Variants in CAP1 observed in about 807,000 individuals in gnomAD.
CAP1 encodes the protein adenylyl cyclase-associated protein 1.
CAP1 carries 11 observed loss-of-function variants against 58.2 expected under a neutral mutation model. The observed-to-expected ratio is 0.19, with a 90% CI of 0.12 to 0.31. The LOEUF is 0.31. Among genes scored for constraint, CAP1 ranks in the 10% least tolerant of loss-of-function variants. The pLI is 1.00. For synonymous variants in CAP1, 183 were observed against 213.8 expected, an observed-to-expected ratio of 0.86 and a Z score of 1.26; for missense variants, 423 against 587.5, an observed-to-expected ratio of 0.72 and a Z score of 2.89.
chr1:40,071,118 T>A, intron 12 of CAP1, 139 bp downstream of exon 12: 1 of 836,416 alleles, frequency 1.2e-6, no homozygotes, highest in South Asian at 1.8e-5. Flanking sequence ...TACACAGAAA[T>A]GAGGTAGTCC....
chr1:40,066,399 C>T (rs1570418734), intron 7 of CAP1, 79 bp downstream of exon 7: 5 of 714,782 alleles, frequency 7.0e-6, no homozygotes, highest in East Asian at 2.8e-5. Context: ...TCTTAGACTT[C>T]AGCACTACCA....
intron 1 of CAP1, among the ~76,000 whole-genome samples, chr1:40,045,361 A>C (rs907159171): frequency 6.6e-6 from 1 of 152,178 alleles, no homozygotes; most frequent in Non-Finnish European, 1.5e-5. Context: ...ATAAGCACTC[A>C]GTATCCTACA....
intron 1 of CAP1, among the ~76,000 whole-genome samples, chr1:40,049,977 G>A (rs1019985178): frequency 5.3e-5 from 8 of 152,144 alleles, no homozygotes; most frequent in African/African-American, 1.9e-4. Flanking sequence ...ATTCGTGGGT[G>A]GAAGTTGCAG....
chr1:40,044,435 GTTTC>G (rs951529114), intron 1 of CAP1, among the ~76,000 whole-genome samples: 40 of 152,280 alleles, frequency 2.6e-4, no homozygotes, highest in African/African-American at 9.4e-4. Context: ...GTTGACATCA[GTTTC>G]TTTCTTTATT....
intron 1 of CAP1, among the ~76,000 whole-genome samples, chr1:40,048,537 G>A (rs1404210390): frequency 6.6e-6 from 1 of 152,142 alleles, no homozygotes; most frequent in African/African-American, 2.4e-5. Context: ...TAGTTTAGTG[G>A]TAATTTAGAA....
chr1:40,070,916 T>C lies in CAP1; in HGVS notation c.1281T>C (p.Cys427=). ...HAYLSKNSLD[C]EIVSAKSSEM... is the part of the protein sequence containing the mutation. ...ACCTGAGCAAGAATTCCCTGGATTG[T>C]GAAATAGTCAGTGCCAAATCTTCCG... Residue 427 remains cysteine (C), a synonymous_variant, in exon 12 of 13, where the codon TGT becomes TGC. Transcript: ENST00000372805. 6.2e-7 allele frequency: 1 copy of C among 1,614,026 alleles called. No individual in the cohort carries two copies. Among genetic ancestry groups the C allele is most frequent in the Non-Finnish European group, 8.5e-7 (1 of 1,179,886 alleles).
At chr1:40,044,823 G>T in intron 1 of CAP1, among the ~76,000 whole-genome samples, 1 of 117,800 alleles carries the variant, frequency 8.5e-6, no homozygotes, top group East Asian at 2.6e-4. Context: ...TTGAGACAGA[G>T]TCTCTATCTG....
Position 40,046,351 on chromosome 1 carries a change from A to G in CAP1, c.-11+5550A>G, listed in dbSNP as rs530459214. Among the ~76,000 whole-genome samples, 3 of 152,238 alleles carry G rather than the reference A, an allele frequency of 2.0e-5. No individual in the cohort carries two copies. In the South Asian group the frequency reaches 6.2e-4, roughly 32 times the overall value. On this transcript the variant is annotated intron_variant, in intron 1 of 12. Coordinates refer to ENST00000372805, the MANE Select transcript of CAP1 (RefSeq NM_006367.4). ...TGTACCGTAATCCCAACTACTAGGGAGGCTGAGGCAGGAGAATCACTTGAA... is the reference window on the plus strand; with the variant it reads ...TGTACCGTAATCCCAACTACTAGGGGGGCTGAGGCAGGAGAATCACTTGAA...
chr1:40,050,947 A>G (rs559842765), intron 1 of CAP1, among the ~76,000 whole-genome samples: 1 of 152,194 alleles, frequency 6.6e-6, no homozygotes, highest in Non-Finnish European at 1.5e-5. Context: ...CTTGTTCCCT[A>G]TAATACTCCA....
rs145169262 is a variant in CAP1, at chr1:40,071,434, T to C, written c.1345-16T>C. ...TTAGCTCAGATTTAAACCTGCTGTC[T>C]CTTCTTTATTTGCAGAATGAATTCC... On this transcript the variant is annotated splice_polypyrimidine_tract_variant and intron_variant, in intron 12 of 12. Transcript: ENST00000372805. 2.1e-5 allele frequency: 33 copies of C among 1,589,672 alleles called. No individual in the cohort carries two copies. In the East Asian group the frequency reaches 6.7e-4, roughly 32 times the overall value.
intron 12 of CAP1, 147 bp from the exon 13 acceptor site, chr1:40,071,303 T>C (rs2124453786): frequency 3.1e-6 from 2 of 635,436 alleles, no homozygotes; most frequent in Admixed American, 5.4e-5. Flanking sequence ...CACTAGAACA[T>C]AGCATGGCTC....
intron 1 of CAP1, among the ~76,000 whole-genome samples, chr1:40,043,596 G>C (rs141811256): frequency 0.01 from 1,552 of 152,256 alleles, 30 homozygotes; most frequent in African/African-American, 0.036. Context: ...AAATTTCTGG[G>C]CTGGGCACAG....
At chr1:40,047,012 C>G (rs1418486843) in intron 1 of CAP1, among the ~76,000 whole-genome samples, 1 of 152,132 alleles carries the variant, frequency 6.6e-6, no homozygotes, top group East Asian at 1.9e-4. Context: ...ACCTTGTGTT[C>G]TGCTAGCCTT....
chr1:40,059,530 C>G, intron 2 of CAP1, 72 bp downstream of exon 2: 1 of 900,250 alleles, frequency 1.1e-6, no homozygotes, highest in Non-Finnish European at 1.8e-6. Context: ...TTATTCTCTC[C>G]TTTGGCGCTA....
At chr1:40,066,069 TG>T in intron 6 of CAP1, 145 bp from the exon 7 acceptor site, 2 of 599,312 alleles carry the variant, frequency 3.3e-6, no homozygotes, top group Non-Finnish European at 6.0e-6. Context: ...ACATAGAAGC[TG>T]GTGATGATAG....
At chr1:40,044,869 T>C (rs888870333) in intron 1 of CAP1, among the ~76,000 whole-genome samples, 1 of 140,258 alleles carries the variant, frequency 7.1e-6, no homozygotes, top group African/African-American at 2.7e-5. Flanking sequence ...CAATCTCGGC[T>C]CACTGCAAGC....
rs773057962 is a variant in CAP1, at chr1:40,064,457, A to G, written c.439-17A>G. 1 of 1,612,164 alleles carries G rather than the reference A, an allele frequency of 6.2e-7. No individual in the cohort carries two copies. Among genetic ancestry groups the G allele is most frequent in the Non-Finnish European group, 8.5e-7 (1 of 1,178,166 alleles). On this transcript the variant is annotated splice_polypyrimidine_tract_variant and intron_variant, in intron 5 of 12. Transcript: ENST00000372805. ...GTTGGAGAGGTCCTGAGTCACTGAC[A>G]GCTTGTCTCTCTCTAGGCTCCCAAG...
At chr1:40,053,726 C>T (rs1205935901) in intron 1 of CAP1, among the ~76,000 whole-genome samples, 1 of 152,188 alleles carries the variant, frequency 6.6e-6, no homozygotes, top group Non-Finnish European at 1.5e-5. Flanking sequence ...TGATTACAGG[C>T]ATGAGCCACC....
chr1:40,042,806 G>A (rs993881614), intron 1 of CAP1, among the ~76,000 whole-genome samples: 1 of 152,150 alleles, frequency 6.6e-6, no homozygotes, highest in Admixed American at 6.6e-5. Context: ...AAATGGGAAT[G>A]GAGAGGAGGC....
Sources: allele counts gnomAD v4.1 joint callset (sites outside exome capture counted in the v4.1 genomes callset), GRCh38; gene constraint gnomAD v4.1.1; transcripts MANE v1.5; gene names NCBI Gene and HGNC (gene_info 2026-07-23, HGNC 2026-07-21).